Variants in SLC1A1 observed in about 807,000 individuals in gnomAD.
SLC1A1 encodes the protein excitatory amino acid transporter 3.
Under a neutral mutation model 53.3 loss-of-function variants are expected in SLC1A1, and 43 were observed. The ratio of observed to expected loss-of-function variants is 0.81; its 90% CI spans 0.63 to 1.04. The LOEUF (loss-of-function observed/expected upper bound fraction) is 1.04. Among genes scored for constraint, SLC1A1 ranks in the 50% least tolerant of loss-of-function variants. The pLI, the probability that SLC1A1 is intolerant of heterozygous loss-of-function variation, is 0.00. For missense variants in SLC1A1, 748 were observed against 664.9 expected, an observed-to-expected ratio of 1.12 and a Z score of -1.37; for synonymous variants, 307 against 243.2, an observed-to-expected ratio of 1.26 and a Z score of -2.44.
At chr9:4,585,257 G>T in intron 11 of SLC1A1, 55 bp from the exon 12 acceptor site, 1 of 1,608,760 alleles carries the variant, frequency 6.2e-7, no homozygotes, top group Non-Finnish European at 8.5e-7. Flanking sequence ...TCTCTCCAGT[G>T]ATGAAGGAAA....
intron 1 of SLC1A1, among the ~76,000 whole-genome samples, chr9:4,497,856 G>C (rs1412686045): frequency 2.6e-5 from 4 of 151,966 alleles, no homozygotes; most frequent in African/African-American, 9.7e-5. Flanking sequence ...CTGAGTCTTT[G>C]TTTCTTATTA....
rs147025121 is a variant in SLC1A1 at position 4,522,092 on chromosome 9, C to T, written c.92-22475C>T. Among the ~76,000 whole-genome samples the T allele has an allele frequency of 6.4e-3, 891 of 140,222 alleles. 2 individuals carry two copies. Among genetic ancestry groups the T allele is most frequent in the Middle Eastern group, 0.016 (4 of 244 alleles). The allele number at this position is 140,222 out of a possible 152,430, so 92.0% of individuals were successfully genotyped here. A position where few individuals can be genotyped will look rare whatever the true frequency, so the allele number is the denominator to read the frequency against. ...TTTGAGATGGAGTCTTACTCTGTCG[C>T]CCAGGCTGGAGTGCAGTGGCACAAT... is the stretch of plus-strand genomic sequence containing the variant. On this transcript the variant is annotated intron_variant, in intron 1 of 11. Coordinates refer to ENST00000262352, the MANE Select transcript of SLC1A1 (RefSeq NM_004170.6).
At chr9:4,526,200 A>G (rs1816252608) in intron 1 of SLC1A1, among the ~76,000 whole-genome samples, 1 of 152,194 alleles carries the variant, frequency 6.6e-6, no homozygotes, top group Non-Finnish European at 1.5e-5. Flanking sequence ...AGGGAGAAAA[A>G]TAACATAGTA....
intron 1 of SLC1A1, among the ~76,000 whole-genome samples, chr9:4,542,630 T>A (rs1377749277): frequency 6.6e-6 from 1 of 152,220 alleles, no homozygotes; most frequent in Non-Finnish European, 1.5e-5. Context: ...CTGAATAGTA[T>A]GAGAGAGAAT....
rs1315305168 is a variant in SLC1A1 at position 4,585,230 on chromosome 9, C to T, written c.1329-82C>T. 1.9e-6 allele frequency: 3 copies of T among 1,567,984 alleles called. No homozygotes were observed. In the African/African-American group the frequency reaches 4.1e-5, roughly 21 times the overall value. On this transcript the variant is annotated intron_variant, in intron 11 of 11. Coordinates refer to ENST00000262352, the MANE Select transcript of SLC1A1 (RefSeq NM_004170.6). The stretch of plus-strand genomic sequence containing the variant: ...TGCACTTACTGAAATCTAAACTGAA[C>T]ATGTCAGGTCCTTGCATCTCTCCAG...
At chr9:4,575,553 G>A (rs1317283088) in intron 8 of SLC1A1, among the ~76,000 whole-genome samples, 2 of 152,110 alleles carry the variant, frequency 1.3e-5, no homozygotes, top group Non-Finnish European at 2.9e-5. Flanking sequence ...ATAAGGTAGT[G>A]GTGACATACA....
In SLC1A1 at chr9:4,508,786, A is replaced by T. The variant is rs117763839; in HGVS notation, c.91+18016A>T. 1.4e-4 allele frequency among the ~76,000 whole-genome samples: 22 copies of T among 152,328 alleles called. No homozygotes were observed. The East Asian group carries it at 4.1e-3, about 28-fold the overall frequency. ...TAGAAAGTGCAGTGGCTTCCTGGGC[A>T]TGTGCATTAAATAGCAATTAAAATG... is the stretch of plus-strand genomic sequence containing the variant. On this transcript the variant is annotated intron_variant, in intron 1 of 11. Transcript: ENST00000262352.
chr9:4,565,920 C>A, intron 4 of SLC1A1, 127 bp from the exon 5 acceptor site: 2 of 793,808 alleles, frequency 2.5e-6, no homozygotes, highest in Non-Finnish European at 2.2e-6. Flanking sequence ...AAGTATTACG[C>A]AAAGCAGGGG....
chr9:4,548,862 A>T (rs1314920452), intron 2 of SLC1A1, among the ~76,000 whole-genome samples: 2 of 152,220 alleles, frequency 1.3e-5, no homozygotes, highest in Non-Finnish European at 2.9e-5. Flanking sequence ...GTACCAATAG[A>T]ATCCTACCGA....
intron 1 of SLC1A1, among the ~76,000 whole-genome samples, chr9:4,508,053 G>C (rs1820862911): frequency 6.6e-6 from 1 of 152,096 alleles, no homozygotes; most frequent in South Asian, 2.1e-4. Flanking sequence ...CTGAGCCAAG[G>C]GACAGAAATT....
rs140848327 is a variant in SLC1A1, at chr9:4,572,017, G to C, written c.583-187G>C. On this transcript the variant is annotated intron_variant, in intron 6 of 11. Transcript: ENST00000262352. ...AAAGCATTTTAACTTCGGGGAGCAA[G>C]GGTAAAGTTTGTTACATGCATAGGT... 9.1e-4 allele frequency among the ~76,000 whole-genome samples: 139 copies of C among 152,280 alleles called. 1 individual carries two copies. The highest frequency in any genetic ancestry group is 3.2e-3 in the African/African-American group (133 of 41,542).
intron 2 of SLC1A1, among the ~76,000 whole-genome samples, chr9:4,558,484 G>T (rs533109902): frequency 2.6e-5 from 4 of 152,198 alleles, no homozygotes; most frequent in Non-Finnish European, 4.4e-5. Context: ...CTACAAGATA[G>T]TTGCTGTGCT....
intron 1 of SLC1A1, among the ~76,000 whole-genome samples, chr9:4,521,470 G>A (rs1196152768): frequency 6.6e-6 from 1 of 152,182 alleles, no homozygotes; most frequent in Non-Finnish European, 1.5e-5. Flanking sequence ...AAGTGCCATG[G>A]TGGCTGAGGA....
intron 1 of SLC1A1, among the ~76,000 whole-genome samples, chr9:4,528,857 C>A (rs1458664659): frequency 6.6e-6 from 1 of 152,106 alleles, no homozygotes; most frequent in Non-Finnish European, 1.5e-5. Flanking sequence ...GTGCTCTATA[C>A]ACACATATCC....
intron 1 of SLC1A1, among the ~76,000 whole-genome samples, chr9:4,501,155 G>C (rs566876646): frequency 6.7e-6 from 1 of 148,276 alleles, no homozygotes; most frequent in African/African-American, 2.6e-5. Flanking sequence ...GAAGGCTCTT[G>C]ATAGTAGAAA....
intron 1 of SLC1A1, among the ~76,000 whole-genome samples, chr9:4,496,294 A>G (rs1372922076): frequency 6.6e-6 from 1 of 152,196 alleles, no homozygotes; most frequent in Non-Finnish European, 1.5e-5. Context: ...TACAAAGGAC[A>G]GGGATGTGAC....
In SLC1A1 at chr9:4,556,226, G is replaced by C. The variant is rs567429376; in HGVS notation, c.233-5223G>C. Among the ~76,000 whole-genome samples the C allele has an allele frequency of 9.2e-4, 140 of 152,104 alleles. No individual in the cohort carries two copies. The highest frequency in any genetic ancestry group is 3.3e-3 in the African/African-American group (136 of 41,490). On this transcript the variant is annotated intron_variant, in intron 2 of 11. Coordinates refer to ENST00000262352, the MANE Select transcript of SLC1A1 (RefSeq NM_004170.6). The surrounding 1 kb of genome is among the most constrained non-coding windows in gnomAD (Gnocchi z 4.1). ...GTAGAGATGGGGTTTCACCATGTTGGCCAGGCTGGTCTCAAACTCCTGACC... is the reference window on the plus strand; with the variant it reads ...GTAGAGATGGGGTTTCACCATGTTGCCCAGGCTGGTCTCAAACTCCTGACC...
chr9:4,491,765 G>T (rs1218786676), intron 1 of SLC1A1, among the ~76,000 whole-genome samples: 2 of 152,120 alleles, frequency 1.3e-5, no homozygotes, highest in African/African-American at 4.8e-5. Context: ...TGGATTCCTC[G>T]GCAGGCTCCA....
intron 1 of SLC1A1, among the ~76,000 whole-genome samples, chr9:4,523,472 C>CT (rs1409068414): frequency 1.3e-5 from 2 of 151,836 alleles, no homozygotes; most frequent in African/African-American, 4.8e-5. Flanking sequence ...AATTTTAACT[C>CT]TGAAGTTTTT....
Sources: allele counts gnomAD v4.1 joint callset (sites outside exome capture counted in the v4.1 genomes callset), GRCh38; gene constraint gnomAD v4.1.1; non-coding constraint Gnocchi (gnomAD v3.1); transcripts MANE v1.5; gene names NCBI Gene and HGNC (gene_info 2026-07-23, HGNC 2026-07-21).